Variants in MBD2 observed in about 807,000 individuals in gnomAD.
The protein encoded by MBD2 is methyl-CpG binding domain protein 2, also known as methyl-CpG-binding domain protein 2.
A neutral mutation model predicts 39.3 loss-of-function variants in MBD2; 9 were observed. The observed-to-expected ratio is 0.23, with a 90% CI of 0.14 to 0.40. The LOEUF (loss-of-function observed/expected upper bound fraction) is 0.40, where lower values mean the gene tolerates loss of function less well. MBD2 is among the 10% of genes least tolerant of loss of function. MBD2 has a pLI of 1.00. For missense variants in MBD2, 458 were observed against 532.6 expected (o/e 0.86, Z 1.38); for synonymous variants, 233 against 211.1 (o/e 1.10, Z -0.90).
At chr18:54,199,292 CAA>C (rs1873504251) in intron 2 of MBD2, among the ~76,000 whole-genome samples, 1 of 152,140 alleles carries the variant, frequency 6.6e-6, no homozygotes, top group South Asian at 2.1e-4. Flanking sequence ...AATGGCTAGA[CAA>C]AGTCTTTATC....
At chr18:54,171,383 C>T (rs629473) in intron 3 of MBD2, among the ~76,000 whole-genome samples, 52,242 of 151,108 alleles carry the variant, frequency 0.35, 9,400 homozygotes, top group East Asian at 0.56. Flanking sequence ...GGTGACAGAG[C>T]AAAACTCCAT....
At chr18:54,195,383 C>T (rs576524818) in intron 2 of MBD2, among the ~76,000 whole-genome samples, 1 of 151,918 alleles carries the variant, frequency 6.6e-6, no homozygotes, top group Non-Finnish European at 1.5e-5. Context: ...AAAAATGTTG[C>T]TCTACCTACC....
intron 3 of MBD2, among the ~76,000 whole-genome samples, chr18:54,177,190 T>C (rs1306684869): frequency 6.6e-6 from 1 of 152,238 alleles, no homozygotes; most frequent in African/African-American, 2.4e-5. Flanking sequence ...GATGTGCTCC[T>C]TCACTACTTT....
At chr18:54,210,002 C>T (rs1439352379) in intron 1 of MBD2, among the ~76,000 whole-genome samples, 1 of 152,116 alleles carries the variant, frequency 6.6e-6, no homozygotes, top group Non-Finnish European at 1.5e-5. Flanking sequence ...CTCTAGAAGA[C>T]TGAGTGAAGG....
chr18:54,181,040 C>T (rs1730270), intron 3 of MBD2, among the ~76,000 whole-genome samples: 59,275 of 151,074 alleles, frequency 0.39, 12,007 homozygotes, highest in East Asian at 0.57. Context: ...ACTACAGGCA[C>T]GCGCCACCAT....
At chr18:54,177,946 C>A (rs757096385) in intron 3 of MBD2, among the ~76,000 whole-genome samples, 17 of 145,728 alleles carry the variant, frequency 1.2e-4, no homozygotes, top group Admixed American at 1.1e-3. Context: ...CTCAAGGAAT[C>A]CTCCTGCCTC....
intron 2 of MBD2, among the ~76,000 whole-genome samples, chr18:54,193,603 C>T (rs919163203): frequency 1.3e-5 from 2 of 152,046 alleles, no homozygotes; most frequent in African/African-American, 4.8e-5. Flanking sequence ...CTTTTGTACA[C>T]TCCCAAAGGA....
intron 3 of MBD2, among the ~76,000 whole-genome samples, chr18:54,183,161 G>A (rs754793125): frequency 7.9e-5 from 12 of 152,184 alleles, no homozygotes; most frequent in Admixed American, 3.9e-4. Flanking sequence ...CTAATAAAAG[G>A]CAGATTTGAT....
At chr18:54,222,244 C>T (rs780715496) in intron 1 of MBD2, 1 of 414,914 alleles carries the variant, frequency 2.4e-6, no homozygotes, top group South Asian at 1.7e-5. Context: ...GAAAACTAAT[C>T]TTTTTTTAAC....
intron 1 of MBD2, among the ~76,000 whole-genome samples, chr18:54,213,409 A>G (rs1313032392): frequency 6.6e-6 from 1 of 152,188 alleles, no homozygotes; most frequent in Admixed American, 6.5e-5. Flanking sequence ...TCTCAAAACC[A>G]TTCGGGATCC....
intron 3 of MBD2, among the ~76,000 whole-genome samples, chr18:54,173,979 G>A (rs544360126): frequency 1.3e-5 from 2 of 152,324 alleles, no homozygotes; most frequent in East Asian, 1.9e-4. Context: ...CTGTGAGCTT[G>A]TTTCAAGAAT....
intron 2 of MBD2, among the ~76,000 whole-genome samples, chr18:54,199,798 A>G (rs550015889): frequency 6.6e-6 from 1 of 152,242 alleles, no homozygotes. Context: ...ACAAGAGCCC[A>G]ACTATTCTCC....
chr18:54,168,526 C>T (rs1167673651), intron 3 of MBD2, among the ~76,000 whole-genome samples: 1 of 144,052 alleles, frequency 6.9e-6, no homozygotes, highest in Non-Finnish European at 1.5e-5. Flanking sequence ...TTTCCAGAGT[C>T]CAGGAGCAAA....
At chr18:54,201,079 CA>C (rs11293678) in intron 2 of MBD2, among the ~76,000 whole-genome samples, 6,556 of 95,008 alleles carry the variant, frequency 0.069, 141 homozygotes, top group Non-Finnish European at 0.073. Flanking sequence ...GACCCCGTCT[CA>C]AAAAAAAAAA....
intron 5 of MBD2, among the ~76,000 whole-genome samples, chr18:54,160,733 C>T (rs1189361914): frequency 3.3e-5 from 5 of 150,770 alleles, no homozygotes; most frequent in South Asian, 2.1e-4. Context: ...AAACAAAGCT[C>T]GGTAAATAGA....
chr18:54,213,234 G>A (rs1280524092), intron 1 of MBD2, among the ~76,000 whole-genome samples: 1 of 152,298 alleles, frequency 6.6e-6, no homozygotes, highest in East Asian at 1.9e-4. Flanking sequence ...TACAGCAGGA[G>A]ACGAGCATTA....
chr18:54,200,568 G>A (rs954865752), intron 2 of MBD2, among the ~76,000 whole-genome samples: 3 of 152,084 alleles, frequency 2.0e-5, no homozygotes, highest in Non-Finnish European at 2.9e-5. Context: ...CCAGTTCCCT[G>A]CTAAAAATGT....
At chr18:54,220,571 C>G (rs2086602401) in intron 1 of MBD2, among the ~76,000 whole-genome samples, 1 of 152,194 alleles carries the variant, frequency 6.6e-6, no homozygotes, top group African/African-American at 2.4e-5. Context: ...TCCCCAGGGG[C>G]AGGCTAATTC....
intron 2 of MBD2, among the ~76,000 whole-genome samples, chr18:54,204,438 T>C (rs2086433253): frequency 6.6e-6 from 1 of 152,252 alleles, no homozygotes; most frequent in Non-Finnish European, 1.5e-5. Flanking sequence ...ATGTTCAAAC[T>C]GTATCATAAT....
Sources: allele counts gnomAD v4.1 joint callset (sites outside exome capture counted in the v4.1 genomes callset), GRCh38; gene constraint gnomAD v4.1.1; transcripts MANE v1.5; gene names NCBI Gene and HGNC (gene_info 2026-07-23, HGNC 2026-07-21).